The following PATJ variants were observed in gnomAD, a reference collection of about 807,000 sequenced individuals.
PATJ encodes the protein inaD-like protein.
PATJ carries 190 observed loss-of-function variants against 224.9 expected under a neutral mutation model. The observed-to-expected ratio is 0.84, with a 90% CI of 0.75 to 0.95. The LOEUF (loss-of-function observed/expected upper bound fraction) is 0.95, where lower values mean the gene tolerates loss of function less well. Among genes scored for constraint, PATJ ranks in the 40% least tolerant of loss-of-function variants. PATJ has a pLI of 0.00. For synonymous variants in PATJ, 769 were observed against 820.3 expected (o/e 0.94, Z 1.07); for missense variants, 2,121 against 2,270.3 (o/e 0.93, Z 1.34).
At chr1:62,121,464 T>C (rs1665039392) in intron 38 of PATJ, among the ~76,000 whole-genome samples, 169 bp downstream of exon 38, 1 of 152,010 alleles carries the variant, frequency 6.6e-6, no homozygotes, top group Non-Finnish European at 1.5e-5. Context: ...AGGAAAGCCA[T>C]AGAGATTCCT....
intron 22 of PATJ, among the ~76,000 whole-genome samples, chr1:61,895,462 T>A (rs997486852): frequency 6.6e-6 from 1 of 152,220 alleles, no homozygotes; most frequent in Non-Finnish European, 1.5e-5. Context: ...GCATTCCAGG[T>A]GTTCCAGCTC....
chr1:61,935,468 G>C (rs1676701274), intron 27 of PATJ, among the ~76,000 whole-genome samples: 1 of 152,170 alleles, frequency 6.6e-6, no homozygotes, highest in South Asian at 2.1e-4. Context: ...GGTATAAAGA[G>C]TATATTTGGA....
chr1:61,895,843 G>C (rs1034158712), intron 22 of PATJ, among the ~76,000 whole-genome samples: 2 of 152,154 alleles, frequency 1.3e-5, no homozygotes, highest in Non-Finnish European at 2.9e-5. Flanking sequence ...AGCTGGAAAA[G>C]CTGTAGGCAC....
chr1:62,091,667 A>G (rs1186687981), intron 33 of PATJ, among the ~76,000 whole-genome samples: 1 of 152,202 alleles, frequency 6.6e-6, no homozygotes, highest in Non-Finnish European at 1.5e-5. Context: ...CTGTAATCCC[A>G]GCTCTTTGGG....
chr1:61,813,177 A>G (rs1204490376), intron 14 of PATJ, among the ~76,000 whole-genome samples: 10 of 151,702 alleles, frequency 6.6e-5, no homozygotes, highest in African/African-American at 2.2e-4. Flanking sequence ...AGTAAAAGAC[A>G]GCAAGGAAAA....
At chr1:61,902,092 G>A (rs1387463886) in intron 24 of PATJ, among the ~76,000 whole-genome samples, 2 of 151,990 alleles carry the variant, frequency 1.3e-5, no homozygotes, top group African/African-American at 2.4e-5. Context: ...GTAGTGGCAC[G>A]TGCCTGTATT....
At chr1:62,100,431 G>A (rs1662007792) in intron 33 of PATJ, 1 of 717,702 alleles carries the variant, frequency 1.4e-6, no homozygotes, top group South Asian at 1.5e-5. Context: ...GGCAGAGAGG[G>A]AGGGGGGCTG....
intron 41 of PATJ, among the ~76,000 whole-genome samples, chr1:62,146,389 G>C (rs1253439189): frequency 2.1e-4 from 32 of 152,154 alleles, no homozygotes; most frequent in Non-Finnish European, 4.3e-4. Context: ...GGAATAATCT[G>C]CTCCATTGTA....
At chr1:62,082,112 C>A (rs1659355846) in intron 32 of PATJ, among the ~76,000 whole-genome samples, 1 of 152,176 alleles carries the variant, frequency 6.6e-6, no homozygotes, top group Admixed American at 6.5e-5. Flanking sequence ...GTGGTCCACA[C>A]AGCCTCTGTT....
chr1:62,012,493 A>C (rs1002033857), intron 28 of PATJ, among the ~76,000 whole-genome samples: 1 of 152,086 alleles, frequency 6.6e-6, no homozygotes, highest in African/African-American at 2.4e-5. Context: ...TGCCTATATT[A>C]TTTGGAAGAC....
At position 61,856,231 on chromosome 1, in the gene PATJ, C is replaced by G. The variant is rs1308681459; in HGVS notation, c.2314C>G (p.Pro772Ala). 5.0e-6 allele frequency: 8 copies of G among 1,612,398 alleles called. No individual in the cohort carries two copies. In the Admixed American group the frequency reaches 1.3e-4, roughly 27 times the overall value. ...CCTAGTACACCTTGGCATCTGTAAG[C>G]CTTTGGTGGTAAGTGTTGTATTTTG... Reference protein sequence around the residue: ...PGLVHLGICKPLVEDNEEESC... With the variant: ...PGLVHLGICKALVEDNEEESC... Residue 772 changes from proline to alanine, a missense_variant, in exon 18 of 44, where the codon CCT (proline) becomes GCT (alanine). By Grantham distance (27) the Pro-to-Ala change is conservative. Transcript: ENST00000642238.
At chr1:61,839,366 T>C (rs72674661) in intron 17 of PATJ, among the ~76,000 whole-genome samples, 10,226 of 152,190 alleles carry the variant, frequency 0.067, 393 homozygotes, top group African/African-American at 0.089. Context: ...ATTAATATAG[T>C]GTGCTCATAT....
At position 61,991,766 on chromosome 1, in the gene PATJ, T is replaced by C. The variant is rs969175678; in HGVS notation, c.3867+1402T>C. 6 of 981,486 alleles carry C rather than the reference T, an allele frequency of 6.1e-6. No homozygotes were observed. In the African/African-American group the frequency reaches 8.7e-5, roughly 14 times the overall value. 60.8% of individuals were successfully genotyped at this position (981,486 alleles called of 1,614,324 possible). ...ATAAATAAAGTCAAAGATGACCTTA[T>C]GTAACCAATATTATTCATTGCCTCA... On this transcript the variant is annotated intron_variant, in intron 28 of 43. Coordinates refer to ENST00000642238, the MANE Select transcript of PATJ (RefSeq NM_001350145.3).
intron 17 of PATJ, among the ~76,000 whole-genome samples, chr1:61,843,719 CAAAA>C (rs60980933): frequency 9.1e-6 from 1 of 109,904 alleles, no homozygotes; most frequent in African/African-American, 3.2e-5. Context: ...GATCAGGTCT[CAAAA>C]AAAAAAAAAA....
At chr1:61,841,712 A>G (rs889054638) in intron 17 of PATJ, among the ~76,000 whole-genome samples, 1 of 151,758 alleles carries the variant, frequency 6.6e-6, no homozygotes, top group African/African-American at 2.4e-5. Context: ...TTGCAGATAT[A>G]TCATATGCCT....
chr1:61,941,379 G>A (rs1677794974), intron 27 of PATJ, among the ~76,000 whole-genome samples: 1 of 152,114 alleles, frequency 6.6e-6, no homozygotes, highest in African/African-American at 2.4e-5. Context: ...AGCCGGGCAC[G>A]ATGGCTCATG....
chr1:62,148,626 G>A (rs767259781), intron 42 of PATJ, among the ~76,000 whole-genome samples: 2 of 152,182 alleles, frequency 1.3e-5, no homozygotes, highest in Non-Finnish European at 2.9e-5. Flanking sequence ...CAGTGCCTAT[G>A]CCTGCTTCCC....
intron 27 of PATJ, among the ~76,000 whole-genome samples, chr1:61,932,186 C>T (rs1466799667): frequency 1.3e-5 from 2 of 152,170 alleles, no homozygotes; most frequent in South Asian, 4.1e-4. Context: ...CCCCAACACA[C>T]ACACAGCCCC....
intron 8 of PATJ, 30 bp from the exon 9 acceptor site, chr1:61,791,318 T>G: frequency 7.7e-7 from 1 of 1,292,260 alleles, no homozygotes. Flanking sequence ...CCACTAAGCA[T>G]ATATAATTAA....
Sources: gnomAD v4.1 joint callset for allele counts (sites outside exome capture counted in the v4.1 genomes callset) on GRCh38, gnomAD v4.1.1 for gene constraint, MANE v1.5 for transcripts, NCBI Gene and HGNC (gene_info 2026-07-23, HGNC 2026-07-21) for gene names.